The following ITLN1 variants were observed in gnomAD, a reference collection of about 807,000 sequenced individuals.
ITLN1 encodes intelectin-1.
ITLN1 carries 29 observed loss-of-function variants against 36.2 expected under a neutral mutation model. The ratio of observed to expected loss-of-function variants is 0.80; its 90% CI spans 0.60 to 1.09. The LOEUF (loss-of-function observed/expected upper bound fraction) is 1.09. Among genes scored for constraint, ITLN1 ranks in the 50% least tolerant of loss-of-function variants. ITLN1 has a pLI of 0.00. For missense variants in ITLN1, 358 were observed against 405.2 expected (o/e 0.88, Z 1.00); for synonymous variants, 143 against 146.5 (o/e 0.98, Z 0.17).
chr1:160,881,205 C>A lies in ITLN1; in HGVS notation c.513G>T (p.Thr171=). ...WRNSSLLRYR[T]DTGFLQTLGH... is the part of the protein sequence containing the mutation. ...CCAGTGTCTGGAGGAAGCCAGTGTCCGTGCGGTACCTCAGCAGGGAGCTGT... is the reference window on the plus strand; with the variant it reads ...CCAGTGTCTGGAGGAAGCCAGTGTCAGTGCGGTACCTCAGCAGGGAGCTGT... Residue 171 remains threonine (T), a synonymous_variant, in exon 5 of 8, where the codon ACG becomes ACT. Transcript: ENST00000326245. 6.2e-7 allele frequency: 1 copy of A among 1,613,626 alleles called. No individual in the cohort carries two copies. The highest frequency in any genetic ancestry group is 8.5e-7 in the Non-Finnish European group (1 of 1,179,728).
intron 3 of ITLN1, among the ~76,000 whole-genome samples, chr1:160,882,997 G>A (rs555240487): frequency 6.6e-6 from 1 of 152,152 alleles, no homozygotes; most frequent in South Asian, 2.1e-4. Context: ...AGCCTCCCAA[G>A]TAGCTGGAAT....
Position 160,882,060 on chromosome 1 carries a change from G to A in ITLN1, c.302C>T (p.Ser101Phe). 1 of 1,614,080 alleles carries A rather than the reference G, an allele frequency of 6.2e-7. No homozygotes were observed. The highest frequency in any genetic ancestry group is 1.1e-5 in the South Asian group (1 of 91,076). The change falls in exon 4 of 8, where the codon TCC (serine) becomes TTC (phenylalanine). Residue 101 changes from serine (S) to phenylalanine (F), a missense_variant. By Grantham distance (155) the Ser-to-Phe change is radical. Transcript: ENST00000326245. ...RGKCTVGDRW[S>F]SQQGSKAVYP... ...GACTGCTTTGCTGCCCTGCTGACTG[G>A]ACCAGCGATCGCCCACCGTGCACTT...
chr1:160,879,751 G>C (rs149054299), intron 6 of ITLN1, among the ~76,000 whole-genome samples: 1 of 152,310 alleles, frequency 6.6e-6, no homozygotes, highest in African/African-American at 2.4e-5. Flanking sequence ...TATTCACTCT[G>C]TTCCTGTTTA....
At position 160,884,714 on chromosome 1, in the gene ITLN1, A is replaced by G. The variant is rs1670729670; in HGVS notation, c.58+106T>C. The G allele has an allele frequency of 2.3e-5, 18 of 766,436 alleles. No individual in the cohort carries two copies. The South Asian group carries it at 3.0e-4, about 13-fold the overall frequency. 47.5% of individuals were successfully genotyped at this position (766,436 alleles called of 1,614,324 possible). ...GAAATCGGCACTCAGTCTACATGCAAGCCAGCCGCTGTGCATCTCAAGGAC... is the reference window on the plus strand; with the variant it reads ...GAAATCGGCACTCAGTCTACATGCAGGCCAGCCGCTGTGCATCTCAAGGAC... On this transcript the variant is annotated intron_variant, in intron 2 of 7. Coordinates refer to ENST00000326245, the MANE Select transcript of ITLN1 (RefSeq NM_017625.3).
intron 4 of ITLN1, 79 bp downstream of exon 4, chr1:160,881,878 A>T: frequency 1.7e-5 from 27 of 1,599,302 alleles, no homozygotes; most frequent in Non-Finnish European, 2.3e-5. Flanking sequence ...CCTACCTTCC[A>T]GCCATCCCTC....
At chr1:160,882,777 A>G (rs1670702739) in intron 3 of ITLN1, among the ~76,000 whole-genome samples, 1 of 152,332 alleles carries the variant, frequency 6.6e-6, no homozygotes, top group South Asian at 2.1e-4. Context: ...ACACTAGGCA[A>G]ATTCATGGAG....
intron 1 of ITLN1, 67 bp downstream of exon 1, chr1:160,884,994 A>T: frequency 1.5e-6 from 1 of 674,688 alleles, no homozygotes; most frequent in Non-Finnish European, 2.7e-6. Context: ...CTTTTGTTTA[A>T]ACTTCACACA....
intron 3 of ITLN1, 122 bp from the exon 4 acceptor site, chr1:160,882,326 C>T (rs542668441): frequency 2.1e-4 from 267 of 1,298,366 alleles, no homozygotes; most frequent in Middle Eastern, 1.2e-3. Flanking sequence ...TGACTCACAT[C>T]ACTAAGTGCT....
chr1:160,885,174 G>A lies in ITLN1; in HGVS notation c.-120C>T, dbSNP rs547191896. On this transcript the variant is annotated 5_prime_UTR_variant, in exon 1 of 8. Transcript: ENST00000326245. The stretch of plus-strand genomic sequence containing the variant: ...AGCTTTCTCCAAAAACGCTCCTGAT[G>A]TGGAATGAGGTGCAGAAAGCTTTAT... 6.5e-5 allele frequency: 19 copies of A among 292,148 alleles called. No individual in the cohort carries two copies. The South Asian group carries it at 1.8e-3, about 28-fold the overall frequency. The allele number at this position is 292,148 out of a possible 1,614,324, so 18.1% of individuals were successfully genotyped here. A position where few individuals can be genotyped will look rare whatever the true frequency, so the allele number is the denominator to read the frequency against.
intron 4 of ITLN1, 190 bp from the exon 5 acceptor site, chr1:160,881,502 G>T (rs1176001306): frequency 1.8e-5 from 11 of 610,512 alleles, no homozygotes; most frequent in Non-Finnish European, 2.6e-5. Context: ...TTGTTAGGAG[G>T]AAGTTGTGAT....
chr1:160,882,541 G>A (rs543068207), intron 3 of ITLN1, among the ~76,000 whole-genome samples: 11 of 152,314 alleles, frequency 7.2e-5, no homozygotes, highest in African/African-American at 2.4e-4. Flanking sequence ...AGTGTTCATT[G>A]CAGCATTAGT....
intron 2 of ITLN1, among the ~76,000 whole-genome samples, chr1:160,884,250 A>G (rs1195086437): frequency 6.6e-6 from 1 of 152,008 alleles, no homozygotes; most frequent in African/African-American, 2.4e-5. Context: ...ACTAATCTCT[A>G]CTCCAAAAAG....
chr1:160,883,953 CAGTGG>C (rs1670718916), intron 2 of ITLN1, among the ~76,000 whole-genome samples: 1 of 152,132 alleles, frequency 6.6e-6, no homozygotes, highest in South Asian at 2.1e-4. Flanking sequence ...TCTGAGGTAA[CAGTGG>C]AGAATGGAAA....
At chr1:160,879,239 C>T in intron 7 of ITLN1, 72 bp downstream of exon 7, 3 of 1,007,180 alleles carry the variant, frequency 3.0e-6, no homozygotes, top group Non-Finnish European at 4.6e-6. Flanking sequence ...ACTCAACACA[C>T]TCACACATAC....
chr1:160,877,241 G>C (rs1354331064), intron 7 of ITLN1, among the ~76,000 whole-genome samples: 1 of 139,486 alleles, frequency 7.2e-6, no homozygotes, highest in African/African-American at 2.7e-5. Context: ...TGTCTCAAAA[G>C]AAAAAAAAAA....
chr1:160,882,669 T>C (rs1306588175), intron 3 of ITLN1, among the ~76,000 whole-genome samples: 1 of 152,120 alleles, frequency 6.6e-6, no homozygotes, highest in Non-Finnish European at 1.5e-5. Flanking sequence ...GAAATATCCA[T>C]GCTACAGCAT....
At chr1:160,880,465 TG>T in intron 6 of ITLN1, 122 bp downstream of exon 6, 1 of 924,122 alleles carries the variant, frequency 1.1e-6, no homozygotes, top group Non-Finnish European at 1.6e-6. Flanking sequence ...GCAAATCAAG[TG>T]GGGCAATATA....
Position 160,885,177 on chromosome 1 carries a change from G to T in ITLN1, c.-123C>A. 1 of 291,732 alleles carries T rather than the reference G, an allele frequency of 3.4e-6. No individual in the cohort carries two copies. The highest frequency in any genetic ancestry group is 4.5e-5 in the Admixed American group (1 of 22,202). The allele number at this position is 291,732 out of a possible 1,614,324, so 18.1% of individuals were successfully genotyped here. A position where few individuals can be genotyped will look rare whatever the true frequency, so the allele number is the denominator to read the frequency against. On this transcript the variant is annotated 5_prime_UTR_variant, in exon 1 of 8. Transcript: ENST00000326245. ...TTTCTCCAAAAACGCTCCTGATGTGGAATGAGGTGCAGAAAGCTTTATGGA... is the reference window on the plus strand; with the variant it reads ...TTTCTCCAAAAACGCTCCTGATGTGTAATGAGGTGCAGAAAGCTTTATGGA...
chr1:160,877,994 C>T (rs1030269653), intron 7 of ITLN1, among the ~76,000 whole-genome samples: 7 of 152,134 alleles, frequency 4.6e-5, no homozygotes, highest in African/African-American at 1.7e-4. Flanking sequence ...CATGGAGAAA[C>T]CCCATCTCTA....
Sources: gnomAD v4.1 joint callset for allele counts (sites outside exome capture counted in the v4.1 genomes callset) on GRCh38, gnomAD v4.1.1 for gene constraint, MANE v1.5 for transcripts, NCBI Gene and HGNC (gene_info 2026-07-23, HGNC 2026-07-21) for gene names.